HGF: variants seen among roughly 807,000 people sequenced by gnomAD.
HGF encodes the protein hepatocyte growth factor.
A neutral mutation model predicts 111.6 loss-of-function variants in HGF; 39 were observed. That is an observed-to-expected ratio of 0.35 (90% CI 0.27 to 0.46). HGF has a LOEUF of 0.46. HGF is among the 20% of genes least tolerant of loss of function. HGF has a pLI of 1.00. For missense variants in HGF, 735 were observed against 910.5 expected, an observed-to-expected ratio of 0.81 and a Z score of 2.48; for synonymous variants, 285 against 294.8, an observed-to-expected ratio of 0.97 and a Z score of 0.34.
intron 12 of HGF, among the ~76,000 whole-genome samples, chr7:81,710,716 C>T (rs1321549968): frequency 1.3e-5 from 2 of 152,296 alleles, no homozygotes; most frequent in South Asian, 2.1e-4. Context: ...GTCTTACCAA[C>T]ATTTGATTTA....
intron 2 of HGF, among the ~76,000 whole-genome samples, chr7:81,760,797 C>T (rs1356312493): frequency 1.3e-5 from 2 of 151,350 alleles, no homozygotes; most frequent in Non-Finnish European, 2.9e-5. Context: ...TGGTTTTCTG[C>T]ACAGGTTGCC....
intron 9 of HGF, among the ~76,000 whole-genome samples, chr7:81,725,515 C>T (rs1789982607): frequency 6.6e-6 from 1 of 152,110 alleles, no homozygotes; most frequent in African/African-American, 2.4e-5. Context: ...AGAGCAGCAC[C>T]CCTCTTTTCT....
At chr7:81,766,244 A>G (rs1789351397) in intron 1 of HGF, among the ~76,000 whole-genome samples, 1 of 152,206 alleles carries the variant, frequency 6.6e-6, no homozygotes, top group South Asian at 2.1e-4. Context: ...TTGACTTCAA[A>G]GGAAAATCAT....
chr7:81,733,502 A>G (rs530996310), intron 7 of HGF, among the ~76,000 whole-genome samples: 1 of 152,134 alleles, frequency 6.6e-6, no homozygotes, highest in East Asian at 1.9e-4. Flanking sequence ...TCATTATTTT[A>G]AACACAAACT....
chr7:81,749,432 A>G (rs55695253), intron 5 of HGF, among the ~76,000 whole-genome samples: 2,543 of 152,236 alleles, frequency 0.017, 65 homozygotes, highest in African/African-American at 0.056. Flanking sequence ...TTTTCTCTGT[A>G]TAACTCTATA....
intron 8 of HGF, among the ~76,000 whole-genome samples, chr7:81,727,199 C>A (rs977468244): frequency 9.7e-6 from 1 of 103,482 alleles, no homozygotes; most frequent in Non-Finnish European, 1.9e-5. Context: ...TGCCACCACG[C>A]CCGGCTAATT....
In HGF at chr7:81,702,730, C is replaced by G; in HGVS notation, c.2038G>C (p.Glu680Gln). 1.2e-6 allele frequency: 2 copies of G among 1,611,366 alleles called. No individual in the cohort carries two copies. The highest frequency in any genetic ancestry group is 8.5e-7 in the Non-Finnish European group (1 of 1,178,260). Residue 680 changes from glutamate (E) to glutamine (Q), a missense_variant, in exon 18 of 18, where the codon GAG becomes CAG. Around this residue, in one of 3 missense-constraint regions of HGF, gnomAD observed 52 missense variants for 95.0 expected, o/e 0.55. Coordinates refer to ENST00000222390, the MANE Select transcript of HGF (RefSeq NM_000601.6). ...AGAACCATTCTCATTTTATGTTGCT[C>G]ACAAACAAGTGGGCCACCATAATCC... ...EGDYGGPLVCEQHKMRMVLGV... is the reference protein window; with the variant it reads ...EGDYGGPLVCQQHKMRMVLGV...
intron 7 of HGF, among the ~76,000 whole-genome samples, chr7:81,739,283 ATTTC>A (rs1356338568): frequency 6.6e-6 from 1 of 151,646 alleles, no homozygotes; most frequent in Admixed American, 6.6e-5. Flanking sequence ...CACACTCTTT[ATTTC>A]TTACTGGCCT....
intron 7 of HGF, among the ~76,000 whole-genome samples, chr7:81,741,130 A>C (rs1346547820): frequency 6.6e-6 from 1 of 152,176 alleles, no homozygotes; most frequent in Non-Finnish European, 1.5e-5. Context: ...CTTTAATAGA[A>C]GTATCGTCTC....
intron 4 of HGF, 93 bp from the exon 5 acceptor site, chr7:81,752,355 G>T: frequency 2.0e-6 from 2 of 1,021,100 alleles, no homozygotes; most frequent in Non-Finnish European, 3.1e-6. Context: ...TTTTGCTGAA[G>T]GTAGAAAAAT....
chr7:81,755,900 C>T, intron 4 of HGF: 4 of 649,366 alleles, frequency 6.2e-6, no homozygotes, highest in Non-Finnish European at 1.1e-5. Flanking sequence ...GTTAATTAGG[C>T]CAAGATCATA....
chr7:81,751,469 G>A (rs1788493626), intron 5 of HGF: 1 of 959,610 alleles, frequency 1.0e-6, no homozygotes, highest in Non-Finnish European at 1.2e-6. Flanking sequence ...TGTGAGAAGA[G>A]CTGAAAACAT....
chr7:81,758,865 G>A, intron 2 of HGF, 61 bp from the exon 3 acceptor site: 1 of 1,075,726 alleles, frequency 9.3e-7, no homozygotes, highest in Non-Finnish European at 1.4e-6. Flanking sequence ...TTTAAAGAAT[G>A]GGCATATGGT....
At chr7:81,710,316 A>G (rs963459462) in intron 12 of HGF, 73 bp from the exon 13 acceptor site, 1 of 950,886 alleles carries the variant, frequency 1.1e-6, no homozygotes, top group South Asian at 1.3e-5. Flanking sequence ...GTTTTCTTAA[A>G]TGCAATGATA....
intron 5 of HGF, 31 bp from the exon 6 acceptor site, chr7:81,745,151 G>T (rs1028783752): frequency 1.2e-6 from 2 of 1,611,088 alleles, no homozygotes; most frequent in Non-Finnish European, 1.7e-6. Context: ...CATGTTAATT[G>T]TTTCTGACAG....
chr7:81,768,378 A>AT (rs964627065), intron 1 of HGF, among the ~76,000 whole-genome samples: 9 of 151,678 alleles, frequency 5.9e-5, no homozygotes, highest in African/African-American at 2.2e-4. Flanking sequence ...TCTGTGAAGC[A>AT]TTTTTTTCTT....
Position 81,710,054 on chromosome 7 carries a change from C to T in HGF, c.1541+93G>A, listed in dbSNP as rs537433282. On this transcript the variant is annotated intron_variant, in intron 13 of 17. Transcript: ENST00000222390. ...TCACCCAGGTGCCCTGTGGAGGGTA[C>T]AACCTTCAGGACCACATGTGTCCAT... is the stretch of plus-strand genomic sequence containing the variant. 5.6e-6 allele frequency: 5 copies of T among 897,214 alleles called. No homozygotes were observed. The African/African-American group carries it at 8.2e-5, about 15-fold the overall frequency. 55.6% of individuals were successfully genotyped at this position (897,214 alleles called of 1,614,324 possible).
At chr7:81,707,121 T>C (rs1789448741) in intron 14 of HGF, among the ~76,000 whole-genome samples, 169 bp downstream of exon 14, 1 of 152,044 alleles carries the variant, frequency 6.6e-6, no homozygotes, top group Non-Finnish European at 1.5e-5. Context: ...CTTGTAAATA[T>C]CTGTGAAGTC....
chr7:81,709,497 A>C (rs535048946), intron 13 of HGF, among the ~76,000 whole-genome samples: 63 of 152,324 alleles, frequency 4.1e-4, no homozygotes, highest in African/African-American at 1.4e-3. Flanking sequence ...TTCTTATGAC[A>C]TAATTATTAA....
Sources: gnomAD v4.1 joint callset for allele counts (sites outside exome capture counted in the v4.1 genomes callset) on GRCh38, gnomAD v4.1.1 for gene constraint, gnomAD v4.1.1 regional missense constraint, MANE v1.5 for transcripts, NCBI Gene and HGNC (gene_info 2026-07-23, HGNC 2026-07-21) for gene names.